SHTN1: variants seen among roughly 807,000 people sequenced by gnomAD.
SHTN1 encodes the protein shootin 1.
Under a neutral mutation model 83.1 loss-of-function variants are expected in SHTN1, and 42 were observed. The ratio of observed to expected loss-of-function variants is 0.51; its 90% CI spans 0.39 to 0.65. The LOEUF (loss-of-function observed/expected upper bound fraction) is 0.65. Among genes scored for constraint, SHTN1 ranks in the 30% least tolerant of loss-of-function variants. The probability of loss-of-function intolerance (pLI) is 0.00; values close to 1 mark genes in which losing one functional copy is unlikely to be tolerated. For synonymous variants in SHTN1, 224 were observed against 247.7 expected, an observed-to-expected ratio of 0.90 and a Z score of 0.90; for missense variants, 622 against 737.8, an observed-to-expected ratio of 0.84 and a Z score of 1.82.
At chr10:116,943,222 T>A (rs1044225280) in intron 8 of SHTN1, among the ~76,000 whole-genome samples, 5 of 152,214 alleles carry the variant, frequency 3.3e-5, no homozygotes, top group Admixed American at 3.3e-4. Flanking sequence ...GAAGACCAGG[T>A]GAACAGCAGA....
chr10:117,031,797 A>C (rs1675092994), intron 2 of SHTN1, among the ~76,000 whole-genome samples: 1 of 152,210 alleles, frequency 6.6e-6, no homozygotes, highest in Admixed American at 6.5e-5. Context: ...TCACCAGACA[A>C]AACCATCTTC....
In SHTN1 at chr10:116,951,327, G is replaced by A. The variant is rs572115516; in HGVS notation, c.534+582C>T. Among the ~76,000 whole-genome samples the A allele has an allele frequency of 4.5e-4, 69 of 152,320 alleles. 1 individual carries two copies. The highest frequency in any genetic ancestry group is 7.8e-4 in the Non-Finnish European group (53 of 68,026). ...ACTCTCAGCTATTTGGGAGGCTGAG[G>A]CAGGAGGATCATTTGAGCCTGGGAG... On this transcript the variant is annotated intron_variant, in intron 6 of 16. Transcript: ENST00000355371.
chr10:117,111,232 G>A (rs1465501751), intron 1 of SHTN1, among the ~76,000 whole-genome samples: 1 of 152,096 alleles, frequency 6.6e-6, no homozygotes, highest in East Asian at 1.9e-4. Flanking sequence ...AGATTGCTAA[G>A]CCTCAGCCCC....
chr10:116,995,086 T>C (rs1851581354), intron 1 of SHTN1, among the ~76,000 whole-genome samples: 1 of 152,192 alleles, frequency 6.6e-6, no homozygotes, highest in Non-Finnish European at 1.5e-5. Flanking sequence ...AACTGCATTA[T>C]TATCATAATG....
rs1384020816 is a variant in SHTN1, at chr10:117,082,025, C to G, written c.-188-33515G>C. Among the ~76,000 whole-genome samples the G allele has an allele frequency of 1.6e-4, 19 of 118,856 alleles. 1 individual carries two copies. The Admixed American group carries it at 1.8e-3, about 11-fold the overall frequency. The allele number at this position is 118,856 out of a possible 152,430, so 78.0% of individuals were successfully genotyped here. A position where few individuals can be genotyped will look rare whatever the true frequency, so the allele number is the denominator to read the frequency against. On this transcript the variant is annotated intron_variant, in intron 1 of 17. Coordinates refer to the SHTN1 transcript ENST00000392901. ...TAATTTTTTGAAGGGTTTTTTGTGT[C>G]TCTATTTCCTTCAGTTCTGCTCTGA... is the stretch of plus-strand genomic sequence containing the variant.
chr10:117,125,152 C>CT (rs1853984080), intron 1 of SHTN1, among the ~76,000 whole-genome samples: 1 of 152,178 alleles, frequency 6.6e-6, no homozygotes, highest in Non-Finnish European at 1.5e-5. Context: ...GATCAGCATA[C>CT]TTTTCCACGG....
At chr10:116,914,771 C>T (rs1848323342) in intron 13 of SHTN1, among the ~76,000 whole-genome samples, 1 of 152,288 alleles carries the variant, frequency 6.6e-6, no homozygotes, top group South Asian at 2.1e-4. Context: ...ATGAAAGGGA[C>T]TCTAAGCAAC....
At chr10:116,952,715 C>G (rs753210120) in intron 5 of SHTN1, among the ~76,000 whole-genome samples, 5 of 152,206 alleles carry the variant, frequency 3.3e-5, no homozygotes, top group African/African-American at 4.8e-5. Context: ...TAGATTAGCA[C>G]AGACTACTCA....
intron 2 of SHTN1, among the ~76,000 whole-genome samples, chr10:116,968,992 T>TA (rs1850501322): frequency 1.3e-5 from 2 of 152,228 alleles, no homozygotes; most frequent in South Asian, 4.1e-4. Context: ...ATCCTTGAGT[T>TA]AAAATATATT....
intron 2 of SHTN1, among the ~76,000 whole-genome samples, chr10:117,015,023 T>G (rs1485886383): frequency 6.6e-6 from 1 of 152,190 alleles, no homozygotes; most frequent in Non-Finnish European, 1.5e-5. Context: ...TCATTATCCT[T>G]GGTTTTGTGG....
At chr10:117,050,144 C>G (rs892783023) in intron 1 of SHTN1, among the ~76,000 whole-genome samples, 2 of 151,912 alleles carry the variant, frequency 1.3e-5, no homozygotes, top group African/African-American at 4.8e-5. Flanking sequence ...CTGGGCAACA[C>G]AGCAAGACCC....
Position 117,005,139 on chromosome 10 carries a change from G to A in SHTN1, c.-60C>T, listed in dbSNP as rs1400342865. On this transcript the variant is annotated 5_prime_UTR_variant, in exon 1 of 17. Transcript: ENST00000355371. ...GGGAGCGGCGCGGGGCACACAGGAGGAGGGGGAAGAAAAAGCAAGATGCCG... is the reference window on the plus strand; with the variant it reads ...GGGAGCGGCGCGGGGCACACAGGAGAAGGGGGAAGAAAAAGCAAGATGCCG... 1.9e-6 allele frequency: 3 copies of A among 1,556,526 alleles called. No homozygotes were observed. Among genetic ancestry groups the A allele is most frequent in the African/African-American group, 1.4e-5 (1 of 73,722 alleles).
chr10:117,055,917 TG>T lies in SHTN1; in HGVS notation c.-188-7408del, dbSNP rs1459139493. On this transcript the variant is annotated intron_variant, in intron 1 of 17. Transcript: ENST00000392901. ...AAAAGGGTAAATTGTATGCTATGTA[TG>T]TTTTACTGTAATTTTTTAAGCCAAA... 4.6e-5 allele frequency among the ~76,000 whole-genome samples: 7 copies of T among 152,286 alleles called. No homozygotes were observed. In the East Asian group the frequency reaches 1.3e-3, roughly 29 times the overall value.
chr10:116,914,822 G>A (rs1343747396), intron 13 of SHTN1, among the ~76,000 whole-genome samples: 1 of 152,294 alleles, frequency 6.6e-6, no homozygotes, highest in Non-Finnish European at 1.5e-5. Context: ...TAGTTTAGGA[G>A]AGAGTTTTTC....
chr10:116,899,465 G>A (rs1300758480), intron 16 of SHTN1, among the ~76,000 whole-genome samples: 3 of 151,666 alleles, frequency 2.0e-5, no homozygotes, highest in East Asian at 3.9e-4. Flanking sequence ...GGACAAAAAG[G>A]CCAAAGTGGA....
intron 2 of SHTN1, among the ~76,000 whole-genome samples, chr10:117,031,072 T>A (rs1852407980): frequency 6.6e-6 from 1 of 151,512 alleles, no homozygotes; most frequent in Non-Finnish European, 1.5e-5. Flanking sequence ...ATAATCAAAC[T>A]CCCAAAGGTC....
rs537802521 is a variant in SHTN1 at position 117,061,750 on chromosome 10, C to T, written c.-188-13240G>A. ...CCTCCCAAAGTGCTGGGATTACAGA[C>T]ATGAGCCACCACACCTCGCCAGGTT... On this transcript the variant is annotated intron_variant, in intron 1 of 17. Transcript: ENST00000392901. Among the ~76,000 whole-genome samples, 8 of 152,308 alleles carry T rather than the reference C, an allele frequency of 5.3e-5. No homozygotes were observed. In the East Asian group the frequency reaches 7.7e-4, roughly 15 times the overall value.
chr10:116,979,195 C>T (rs1850923256), intron 2 of SHTN1, 61 bp downstream of exon 2: 1 of 1,358,858 alleles, frequency 7.4e-7, no homozygotes, highest in Non-Finnish European at 1.1e-6. Context: ...CTGAACAATG[C>T]ACTATGCCGC....
At chr10:116,931,971 G>A (rs1317788123) in intron 9 of SHTN1, among the ~76,000 whole-genome samples, 3 of 152,200 alleles carry the variant, frequency 2.0e-5, no homozygotes, top group Non-Finnish European at 4.4e-5. Context: ...CATTTTAAGC[G>A]ACATACAGAT....
Sources: gnomAD v4.1 joint callset for allele counts (sites outside exome capture counted in the v4.1 genomes callset) on GRCh38, gnomAD v4.1.1 for gene constraint, MANE v1.5 for transcripts, NCBI Gene and HGNC (gene_info 2026-07-23, HGNC 2026-07-21) for gene names.